ZNF423: variants seen among roughly 807,000 people sequenced by gnomAD.
ZNF423 encodes zinc finger protein 423.
In ZNF423, 12 loss-of-function variants were observed where a neutral mutation model predicts 95.8. The ratio of observed to expected loss-of-function variants is 0.13; its 90% confidence interval spans 0.08 to 0.20. The LOEUF is 0.20. ZNF423 is among the 10% of genes least tolerant of loss of function. The pLI is 1.00. For synonymous variants in ZNF423, 749 were observed against 711.9 expected, an observed-to-expected ratio of 1.05 and a Z score of -0.83; for missense variants, 1,316 against 1,737.1, an observed-to-expected ratio of 0.76 and a Z score of 4.31.
At chr16:49,574,554 A>G (rs551779644) in intron 5 of ZNF423, among the ~76,000 whole-genome samples, 1 of 152,294 alleles carries the variant, frequency 6.6e-6, no homozygotes, top group South Asian at 2.1e-4. Flanking sequence ...CCCTGCTCTG[A>G]GAGTCTTGGT....
intron 2 of ZNF423, among the ~76,000 whole-genome samples, chr16:49,743,076 G>A (rs576373655): frequency 6.6e-6 from 1 of 152,170 alleles, no homozygotes; most frequent in East Asian, 1.9e-4. Context: ...GCTCAACACT[G>A]TGCCAGGGGC....
In ZNF423 at chr16:49,637,217, C is replaced by T. The variant is rs1453197261; in HGVS notation, c.1959G>A (p.Glu653=). 2 of 1,613,918 alleles carry T rather than the reference C, an allele frequency of 1.2e-6. No individual in the cohort carries two copies. Among genetic ancestry groups the T allele is most frequent in the Non-Finnish European group, 1.7e-6 (2 of 1,180,044 alleles). ...GCAGCTTCAGGTGGGTCTGGAAGCT[C>T]TCAAAGTTGGAGAACTTGAGGTCGC... The part of the protein sequence containing the change: ...NQCDLKFSNF[E]SFQTHLKLHL... The change falls in exon 4 of 8, where the codon GAG becomes GAA. Residue 653 remains glutamate (E), a synonymous_variant. Coordinates refer to ENST00000563137, the MANE Select transcript of ZNF423 (RefSeq NM_001379286.1). The surrounding 1 kb of genome is among the most constrained non-coding windows in gnomAD (Gnocchi z 5.6).
intron 3 of ZNF423, among the ~76,000 whole-genome samples, chr16:49,647,638 T>C (rs1973229915): frequency 6.6e-6 from 1 of 152,304 alleles, no homozygotes; most frequent in South Asian, 2.1e-4. Flanking sequence ...GGAGGCCATA[T>C]GCCAAGAAAT....
At chr16:49,506,182 C>T (rs1990725) in intron 7 of ZNF423, among the ~76,000 whole-genome samples, 31,136 of 152,100 alleles carry the variant, frequency 0.2, 3,306 homozygotes, top group African/African-American at 0.28. Context: ...GTTCTTGACA[C>T]GTACCTCACA....
chr16:49,682,471 G>A (rs1238015463), intron 3 of ZNF423, among the ~76,000 whole-genome samples: 3 of 152,218 alleles, frequency 2.0e-5, no homozygotes, highest in Non-Finnish European at 2.9e-5. Flanking sequence ...GCCAGGGTCT[G>A]GAGCAGGGAC....
At chr16:49,755,645 C>CT (rs2033713059) in intron 2 of ZNF423, among the ~76,000 whole-genome samples, 2 of 152,200 alleles carry the variant, frequency 1.3e-5, no homozygotes, top group Admixed American at 1.3e-4. Flanking sequence ...TATCGGGAAG[C>CT]TTTCTCATTA....
chr16:49,532,485 A>C lies in ZNF423; in HGVS notation c.3602-6991T>G, dbSNP rs1250141331. Among the ~76,000 whole-genome samples, 6 of 152,220 alleles carry C rather than the reference A, an allele frequency of 3.9e-5. No individual in the cohort carries two copies. The East Asian group carries it at 1.2e-3, about 29-fold the overall frequency. On this transcript the variant is annotated intron_variant, in intron 5 of 7. Coordinates refer to ENST00000563137, the MANE Select transcript of ZNF423 (RefSeq NM_001379286.1). ...AGGCCATTCTGCCCAGAAGGGACCC[A>C]TCGTATGGTCCCCTGTGTTTCACAA...
chr16:49,704,091 G>A (rs1238157041), intron 3 of ZNF423, among the ~76,000 whole-genome samples: 2 of 152,182 alleles, frequency 1.3e-5, no homozygotes, highest in African/African-American at 2.4e-5. Flanking sequence ...GAGGCAGAAA[G>A]GGATGACTGA....
At chr16:49,585,294 G>A (rs969452272) in intron 5 of ZNF423, among the ~76,000 whole-genome samples, 1 of 152,134 alleles carries the variant, frequency 6.6e-6, no homozygotes, top group African/African-American at 2.4e-5. Flanking sequence ...AAGCGCTCAG[G>A]AGGCAGGCAC....
intron 4 of ZNF423, among the ~76,000 whole-genome samples, chr16:49,628,631 G>A (rs1258241430): frequency 6.6e-6 from 1 of 152,084 alleles, no homozygotes; most frequent in East Asian, 1.9e-4. Flanking sequence ...ATAACCATGT[G>A]GCTGAGCAGG....
At chr16:49,806,945 T>G (rs548132494) in intron 1 of ZNF423, among the ~76,000 whole-genome samples, 1 of 150,660 alleles carries the variant, frequency 6.6e-6, no homozygotes, top group East Asian at 2.0e-4. Flanking sequence ...GAGAATCGCT[T>G]GAACCCGGGA....
intron 2 of ZNF423, among the ~76,000 whole-genome samples, chr16:49,752,627 C>G (rs1280665045): frequency 6.6e-6 from 1 of 152,214 alleles, no homozygotes; most frequent in Non-Finnish European, 1.5e-5. Flanking sequence ...ACCCCACGGG[C>G]TGATCAGGAG....
At chr16:49,719,822 G>A (rs1007368782) in intron 3 of ZNF423, among the ~76,000 whole-genome samples, 2 of 152,188 alleles carry the variant, frequency 1.3e-5, no homozygotes, top group Non-Finnish European at 2.9e-5. Context: ...CCCAGTCTCA[G>A]GTAGTTCTTT....
At position 49,644,683 on chromosome 16, in the gene ZNF423, A is replaced by C. The variant is rs55706702; in HGVS notation, c.302-5809T>G. On this transcript the variant is annotated intron_variant, in intron 3 of 7. Coordinates refer to ENST00000563137, the MANE Select transcript of ZNF423 (RefSeq NM_001379286.1). The stretch of plus-strand genomic sequence containing the variant: ...CAAAAAAAAAAAAAAAAAAAAAAAA[A>C]AAAAAAAAAAAAAACCGTGAGCCTA... Among the ~76,000 whole-genome samples the C allele has an allele frequency of 4.0e-3, 506 of 126,242 alleles. 2 individuals are homozygous for C. Among genetic ancestry groups the C allele is most frequent in the African/African-American group, 7.4e-3 (254 of 34,230 alleles). The allele number at this position is 126,242 out of a possible 152,430, so 82.8% of individuals were successfully genotyped here.
At chr16:49,843,927 G>A (rs1363482062) in intron 1 of ZNF423, among the ~76,000 whole-genome samples, 1 of 152,162 alleles carries the variant, frequency 6.6e-6, no homozygotes, top group Non-Finnish European at 1.5e-5. Context: ...TTTATTCTGA[G>A]CCATGGCAAT....
chr16:49,624,755 A>G lies in ZNF423; in HGVS notation c.3601+1415T>C, dbSNP rs1327388401. Among the ~76,000 whole-genome samples the G allele has an allele frequency of 3.3e-5, 5 of 152,230 alleles. No individual in the cohort carries two copies. In the South Asian group the frequency reaches 1.0e-3, roughly 31 times the overall value. Reference sequence around the variant, plus strand: ...TGAAAGATGTCAGGTGCAAACGAGTAGAAACTGTGATTCCATTTCCATAAA... The same window carrying G: ...TGAAAGATGTCAGGTGCAAACGAGTGGAAACTGTGATTCCATTTCCATAAA... On this transcript the variant is annotated intron_variant, in intron 5 of 7. Transcript: ENST00000563137.
intron 7 of ZNF423, among the ~76,000 whole-genome samples, chr16:49,512,165 G>C (rs1967925266): frequency 6.6e-6 from 1 of 152,138 alleles, no homozygotes; most frequent in Admixed American, 6.6e-5. Context: ...CTATGCCTCT[G>C]TTTGTCCCCA....
intron 2 of ZNF423, among the ~76,000 whole-genome samples, chr16:49,778,754 A>G (rs972734122): frequency 1.3e-5 from 2 of 152,196 alleles, no homozygotes; most frequent in Non-Finnish European, 2.9e-5. Context: ...GGCCCATCTG[A>G]GCCTTCTCTG....
chr16:49,630,433 T>C (rs1000773728), intron 4 of ZNF423, among the ~76,000 whole-genome samples: 1 of 152,102 alleles, frequency 6.6e-6, no homozygotes, highest in Non-Finnish European at 1.5e-5. Flanking sequence ...AGTGAATTAA[T>C]GAATGAAGCA....
Sources: gnomAD v4.1 joint callset for allele counts (sites outside exome capture counted in the v4.1 genomes callset) on GRCh38, gnomAD v4.1.1 for gene constraint, Gnocchi (gnomAD v3.1) non-coding constraint, MANE v1.5 for transcripts, NCBI Gene and HGNC (gene_info 2026-07-23, HGNC 2026-07-21) for gene names.